Variants in DRC8 observed in about 807,000 individuals in gnomAD.
The protein encoded by DRC8 is dynein regulatory complex protein 8.
At chr1:245,093,164 C>T in the DRC8 span, among the ~76,000 whole-genome samples, 16 of 152,044 alleles carry the variant, frequency 1.1e-4, no homozygotes, top group African/African-American at 3.9e-4. Flanking sequence ...TTGGAGAGAA[C>T]GTGCGCATAC....
At chr1:244,976,281 CAAAT>C in the DRC8 span, among the ~76,000 whole-genome samples, 180 of 137,080 alleles carry the variant, frequency 1.3e-3, 1 homozygote, top group African/African-American at 4.4e-3. Context: ...AACAAAAAAA[CAAAT>C]AAAACATAAG....
the DRC8 span, chr1:244,970,487 G>A: frequency 1.3e-6 from 2 of 1,521,240 alleles, no homozygotes; most frequent in Non-Finnish European, 1.8e-6. Flanking sequence ...GCCGCCCGCC[G>A]CGACCCCGGG....
the DRC8 span, among the ~76,000 whole-genome samples, chr1:244,975,434 T>C: frequency 6.6e-6 from 1 of 152,230 alleles, no homozygotes; most frequent in African/African-American, 2.4e-5. Context: ...TTAGCCGAGA[T>C]GCTAAACATA....
chr1:245,017,108 C>G, the DRC8 span: 7 of 862,316 alleles, frequency 8.1e-6, no homozygotes, highest in Non-Finnish European at 1.2e-5. Flanking sequence ...GTTAAACATG[C>G]TAAATGATAC....
At chr1:245,045,320 G>A in the DRC8 span, among the ~76,000 whole-genome samples, 1 of 152,200 alleles carries the variant, frequency 6.6e-6, no homozygotes, top group African/African-American at 2.4e-5. Flanking sequence ...ACTGGTCGAG[G>A]GTTGTGACTG....
chr1:245,082,783 C>T, the DRC8 span, among the ~76,000 whole-genome samples: 1 of 152,136 alleles, frequency 6.6e-6, no homozygotes. Flanking sequence ...TGGCTCACTG[C>T]AACCTCCACC....
At chr1:244,991,461 G>A in the DRC8 span, among the ~76,000 whole-genome samples, 2 of 152,066 alleles carry the variant, frequency 1.3e-5, no homozygotes, top group Non-Finnish European at 2.9e-5. Context: ...TTCCCTCTCT[G>A]GAGGTCACAG....
At chr1:245,065,073 C>CTTTTTTTTTTTTTTTTTTTTTT in the DRC8 span, among the ~76,000 whole-genome samples, 45 of 81,592 alleles carry the variant, frequency 5.5e-4, 2 homozygotes, top group South Asian at 9.8e-4. Context: ...TAACATTCTT[C>CTTTTTTTTTTTTTTTTTTTTTT]TTTTTTTTTT....
At chr1:245,081,992 G>GTC in the DRC8 span, 37 of 1,023,782 alleles carry the variant, frequency 3.6e-5, no homozygotes, top group South Asian at 4.6e-4. Flanking sequence ...ACCATCCAGA[G>GTC]TCTCTAGCAC....
At chr1:245,060,363 CATT>C in the DRC8 span, among the ~76,000 whole-genome samples, 1 of 152,082 alleles carries the variant, frequency 6.6e-6, no homozygotes, top group Non-Finnish European at 1.5e-5. Context: ...AATCCTAAAG[CATT>C]ATGTAAAGTT....
chr1:245,020,923 C>G, the DRC8 span, among the ~76,000 whole-genome samples: 4 of 152,038 alleles, frequency 2.6e-5, no homozygotes, highest in Non-Finnish European at 5.9e-5. Flanking sequence ...AGCCACCACA[C>G]CCAGCCTTAT....
At chr1:245,003,835 C>G in the DRC8 span, among the ~76,000 whole-genome samples, 7 of 152,068 alleles carry the variant, frequency 4.6e-5, no homozygotes, top group African/African-American at 1.7e-4. Flanking sequence ...AACTCCTGGC[C>G]TCAAGCAATC....
chr1:245,101,230 C>G, the DRC8 span, among the ~76,000 whole-genome samples: 4 of 152,174 alleles, frequency 2.6e-5, no homozygotes, highest in African/African-American at 7.2e-5. Context: ...AGTTTTTACT[C>G]CCAATCTTTC....
chr1:245,103,780 A>G, the DRC8 span, among the ~76,000 whole-genome samples: 1 of 152,228 alleles, frequency 6.6e-6, no homozygotes, highest in Non-Finnish European at 1.5e-5. Flanking sequence ...GCTTCCTAGT[A>G]CCAAGCACTG....
chr1:245,119,976 G>T, the DRC8 span, among the ~76,000 whole-genome samples: 5 of 110,604 alleles, frequency 4.5e-5, no homozygotes, highest in East Asian at 1.1e-3. Context: ...AAATAAAAGA[G>T]CAAGGAACTG....
chr1:245,030,025 C>A, the DRC8 span, among the ~76,000 whole-genome samples: 1 of 152,134 alleles, frequency 6.6e-6, no homozygotes, highest in African/African-American at 2.4e-5. Flanking sequence ...GGGTGTGTAC[C>A]CTCTGTGGCT....
the DRC8 span, among the ~76,000 whole-genome samples, chr1:245,037,742 C>T: frequency 6.6e-6 from 1 of 151,834 alleles, no homozygotes; most frequent in East Asian, 1.9e-4. Flanking sequence ...CTGGAAACCT[C>T]AAGAAAATAA....
chr1:245,024,097 G>A, the DRC8 span, among the ~76,000 whole-genome samples: 5 of 152,090 alleles, frequency 3.3e-5, no homozygotes, highest in African/African-American at 1.2e-4. Context: ...TTGAACCCGG[G>A]AGACGGTGGT....
the DRC8 span, among the ~76,000 whole-genome samples, chr1:244,990,227 G>A: frequency 2.0e-5 from 3 of 152,160 alleles, no homozygotes; most frequent in Non-Finnish European, 4.4e-5. Context: ...ATGACAAGAC[G>A]CATGAGTACA....
Sources: allele counts gnomAD v4.1 joint callset (sites outside exome capture counted in the v4.1 genomes callset), GRCh38; gene constraint gnomAD v4.1.1; transcripts MANE v1.5; gene names NCBI Gene and HGNC (gene_info 2026-07-23, HGNC 2026-07-21).